SMOC2: variants seen among roughly 807,000 people sequenced by gnomAD.
SMOC2 encodes the protein SPARC-related modular calcium-binding protein 2.
In SMOC2, 39 loss-of-function variants were observed where a neutral mutation model predicts 61.4. The observed-to-expected ratio is 0.64, with a 90% CI of 0.49 to 0.83. SMOC2 has a LOEUF of 0.83. Ranked by LOEUF, SMOC2 falls within the 40% of genes least tolerant of loss-of-function variation. The pLI is 0.00. For missense variants in SMOC2, 556 were observed against 592.9 expected (o/e 0.94, Z 0.65); for synonymous variants, 247 against 239.9 (o/e 1.03, Z -0.27).
At chr6:168,567,766 G>T (rs559469521) in intron 7 of SMOC2, among the ~76,000 whole-genome samples, 1 of 152,226 alleles carries the variant, frequency 6.6e-6, no homozygotes, top group African/African-American at 2.4e-5. Flanking sequence ...AGACCAGATG[G>T]TGTGTGTCGG....
chr6:168,585,033 C>G (rs1785017850), intron 7 of SMOC2, among the ~76,000 whole-genome samples: 1 of 152,232 alleles, frequency 6.6e-6, no homozygotes, highest in Non-Finnish European at 1.5e-5. Flanking sequence ...TCACAGCTCA[C>G]TGCAGCCTTG....
At chr6:168,630,078 G>C (rs1245504977) in intron 9 of SMOC2, among the ~76,000 whole-genome samples, 2 of 152,168 alleles carry the variant, frequency 1.3e-5, no homozygotes, top group African/African-American at 2.4e-5. Context: ...GAAACCTTGA[G>C]ATGGTTGCAG....
intron 12 of SMOC2, chr6:168,664,870 C>T (rs1001183525): frequency 8.8e-5 from 41 of 465,372 alleles, no homozygotes; most frequent in Middle Eastern, 6.5e-4. Context: ...TCTTTGCTGC[C>T]GCGAGTCAAT....
At chr6:168,540,213 G>T (rs1783847523) in intron 4 of SMOC2, among the ~76,000 whole-genome samples, 1 of 152,240 alleles carries the variant, frequency 6.6e-6, no homozygotes, top group African/African-American at 2.4e-5. Flanking sequence ...GGTGAGCCCA[G>T]GAATGAATGA....
intron 4 of SMOC2, among the ~76,000 whole-genome samples, chr6:168,542,807 T>C (rs1783901209): frequency 6.6e-6 from 1 of 152,198 alleles, no homozygotes; most frequent in South Asian, 2.1e-4. Context: ...ATAAGCTATA[T>C]TTTTAATTTG....
At chr6:168,611,651 C>T (rs954578510) in intron 9 of SMOC2, among the ~76,000 whole-genome samples, 2 of 136,480 alleles carry the variant, frequency 1.5e-5, no homozygotes, top group African/African-American at 2.8e-5. Flanking sequence ...GCTCCCGTGT[C>T]GGGCCTGGCT....
At chr6:168,560,074 T>A (rs1784363192) in intron 7 of SMOC2, among the ~76,000 whole-genome samples, 1 of 152,242 alleles carries the variant, frequency 6.6e-6, no homozygotes, top group South Asian at 2.1e-4. Flanking sequence ...ACTTCATAAT[T>A]ATTCTTCTCT....
chr6:168,466,898 T>C (rs1054927033), intron 1 of SMOC2, among the ~76,000 whole-genome samples: 9 of 152,186 alleles, frequency 5.9e-5, no homozygotes, highest in African/African-American at 2.2e-4. Context: ...TCTCCAACAT[T>C]CCTTTTGGAA....
intron 7 of SMOC2, among the ~76,000 whole-genome samples, chr6:168,595,139 A>C (rs1785288617): frequency 6.8e-6 from 1 of 146,726 alleles, no homozygotes; most frequent in Admixed American, 6.8e-5. Flanking sequence ...CTAAGGCCTC[A>C]CAAGGGGCAT....
At position 168,544,195 on chromosome 6, in the gene SMOC2, C is replaced by T. The variant is rs1783940548; in HGVS notation, c.511+523C>T. ...GTTTCGGGGTCTGCGGGGTCTGTCA[C>T]ATGCCCACCATGACCCCCCTGGGAA... On this transcript the variant is annotated intron_variant, in intron 5 of 12. Coordinates refer to ENST00000356284, the MANE Select transcript of SMOC2 (RefSeq NM_001166412.2). The surrounding 1 kb of genome is among the most constrained non-coding windows in gnomAD (Gnocchi z 4.1). Among the ~76,000 whole-genome samples the T allele has an allele frequency of 6.6e-6, 1 of 152,186 alleles. No individual in the cohort carries two copies. The highest frequency in any genetic ancestry group is 2.1e-4 in the South Asian group (1 of 4,822).
chr6:168,452,605 A>T lies in SMOC2; in HGVS notation c.84+11151A>T, dbSNP rs1166349294. 6.6e-6 allele frequency among the ~76,000 whole-genome samples: 1 copy of T among 152,216 alleles called. No homozygotes were observed. Among genetic ancestry groups the T allele is most frequent in the Non-Finnish European group, 1.5e-5 (1 of 68,044 alleles). On this transcript the variant is annotated intron_variant, in intron 1 of 12. Coordinates refer to ENST00000356284, the MANE Select transcript of SMOC2 (RefSeq NM_001166412.2). The surrounding 1 kb of genome is among the most constrained non-coding windows in gnomAD (Gnocchi z 5.0). The stretch of plus-strand genomic sequence containing the variant: ...AAAGAACAATAAGTGCAGCAAATCA[A>T]AATTTCTGTGCTCAGATATTCAAAA...
chr6:168,629,800 C>G (rs1018634507), intron 9 of SMOC2, among the ~76,000 whole-genome samples: 1 of 152,176 alleles, frequency 6.6e-6, no homozygotes, highest in African/African-American at 2.4e-5. Flanking sequence ...ATCACTGGTC[C>G]TCAGTTTAAT....
intron 9 of SMOC2, among the ~76,000 whole-genome samples, chr6:168,636,437 G>C (rs190850746): frequency 1.3e-5 from 2 of 152,312 alleles, no homozygotes; most frequent in South Asian, 4.1e-4. Flanking sequence ...CTGATAATAT[G>C]TGTTGGTTGT....
chr6:168,664,530 TTGTC>T, intron 12 of SMOC2: 1 of 386,900 alleles, frequency 2.6e-6, no homozygotes, highest in Non-Finnish European at 5.0e-6. Flanking sequence ...TTTCAAGCAA[TTGTC>T]TGAGTGTTTG....
intron 1 of SMOC2, among the ~76,000 whole-genome samples, chr6:168,495,257 A>AG (rs1430100016): frequency 1.3e-5 from 2 of 152,170 alleles, no homozygotes; most frequent in African/African-American, 2.4e-5. Context: ...GCCCAGGTGT[A>AG]GGTCCCTCTG....
intron 1 of SMOC2, among the ~76,000 whole-genome samples, chr6:168,488,193 T>C (rs1442470405): frequency 1.3e-5 from 2 of 152,234 alleles, no homozygotes; most frequent in Non-Finnish European, 2.9e-5. Context: ...AAAATCCCAC[T>C]GGTCTCCTCT....
At chr6:168,580,524 A>AAATC (rs1426047281) in intron 7 of SMOC2, among the ~76,000 whole-genome samples, 1 of 152,114 alleles carries the variant, frequency 6.6e-6, no homozygotes, top group Non-Finnish European at 1.5e-5. Flanking sequence ...CTCACTGATA[A>AAATC]AACACAGGTT....
chr6:168,467,136 A>ACACACACAC (rs1781853992), intron 1 of SMOC2, among the ~76,000 whole-genome samples: 4 of 133,332 alleles, frequency 3.0e-5, no homozygotes, highest in Non-Finnish European at 4.8e-5. Flanking sequence ...AGTGCTCTCA[A>ACACACACAC]ACACACACAC....
At chr6:168,542,800 A>G (rs1370561896) in intron 4 of SMOC2, among the ~76,000 whole-genome samples, 1 of 152,184 alleles carries the variant, frequency 6.6e-6, no homozygotes, top group Non-Finnish European at 1.5e-5. Flanking sequence ...AAATGTCATA[A>G]GCTATATTTT....
Sources: gnomAD v4.1 joint callset for allele counts (sites outside exome capture counted in the v4.1 genomes callset) on GRCh38, gnomAD v4.1.1 for gene constraint, Gnocchi (gnomAD v3.1) non-coding constraint, MANE v1.5 for transcripts, NCBI Gene and HGNC (gene_info 2026-07-23, HGNC 2026-07-21) for gene names.